The following SPTLC2 variants were observed in gnomAD, a reference collection of about 807,000 sequenced individuals.
The protein encoded by SPTLC2 is serine palmitoyltransferase 2.
In SPTLC2, 21 loss-of-function variants were observed where a neutral mutation model predicts 62.0. The ratio of observed to expected loss-of-function variants is 0.34; its 90% CI spans 0.24 to 0.49. The LOEUF is 0.49. Among genes scored for constraint, SPTLC2 ranks in the 20% least tolerant of loss-of-function variants. The probability of loss-of-function intolerance (pLI) is 0.99; values close to 1 mark genes in which losing one functional copy is unlikely to be tolerated. For synonymous variants in SPTLC2, 261 were observed against 261.8 expected (o/e 1.00, Z 0.03); for missense variants, 511 against 713.0 (o/e 0.72, Z 3.23).
At chr14:77,562,178 G>A (rs1409671999) in intron 6 of SPTLC2, among the ~76,000 whole-genome samples, 3 of 152,142 alleles carry the variant, frequency 2.0e-5, no homozygotes, top group Non-Finnish European at 4.4e-5. Flanking sequence ...GAAATGGGAT[G>A]GAAAACTTCA....
chr14:77,587,790 A>AATAATG (rs1179791623), intron 2 of SPTLC2, among the ~76,000 whole-genome samples: 2 of 150,084 alleles, frequency 1.3e-5, no homozygotes, highest in Non-Finnish European at 3.0e-5. Context: ...TAATAATAAT[A>AATAATG]ACTAATGCTG....
intron 9 of SPTLC2, among the ~76,000 whole-genome samples, chr14:77,549,006 T>C (rs1437708146): frequency 6.6e-6 from 1 of 152,176 alleles, no homozygotes; most frequent in Admixed American, 6.5e-5. Context: ...TAATGATAAA[T>C]GTAATATATT....
chr14:77,577,823 C>G (rs1209173888), intron 3 of SPTLC2, among the ~76,000 whole-genome samples: 1 of 152,062 alleles, frequency 6.6e-6, no homozygotes, highest in Admixed American at 6.6e-5. Context: ...TGGCGTGAAC[C>G]CAGGAGGCAG....
chr14:77,540,441 G>GA (rs2079494941), intron 9 of SPTLC2, among the ~76,000 whole-genome samples: 1 of 152,018 alleles, frequency 6.6e-6, no homozygotes, highest in African/African-American at 2.4e-5. Flanking sequence ...ATTTGATTTT[G>GA]AAATGCATTT....
At chr14:77,555,017 G>T in intron 8 of SPTLC2, 1 of 428,194 alleles carries the variant, frequency 2.3e-6, no homozygotes, top group Non-Finnish European at 4.4e-6. Flanking sequence ...GGCTGGGGCG[G>T]GCAGGGAGCA....
chr14:77,518,130 C>T lies in SPTLC2; in HGVS notation c.1477G>A (p.Val493Ile). 6.2e-7 allele frequency: 1 copy of T among 1,614,144 alleles called. No individual in the cohort carries two copies. Among genetic ancestry groups the T allele is most frequent in the East Asian group, 2.2e-5 (1 of 44,886 alleles). ...GREMLKRNIG[V>I]VVVGFPATPI... ...GTGGCAGGAAATCCAACCACAACGA[C>T]ACCGATGTTCCGCTTCAGCATCTCC... The change falls in exon 11 of 12, where the codon GTC (valine) becomes ATC (isoleucine). Residue 493 changes from valine (V) to isoleucine (I), a missense_variant. Transcript: ENST00000216484.
chr14:77,595,753 G>A (rs988890331), intron 2 of SPTLC2, among the ~76,000 whole-genome samples: 1 of 152,088 alleles, frequency 6.6e-6, no homozygotes, highest in African/African-American at 2.4e-5. Flanking sequence ...ATGTTCACTG[G>A]CTCGTCTCAG....
At chr14:77,530,863 T>C (rs1169287862) in intron 9 of SPTLC2, among the ~76,000 whole-genome samples, 1 of 152,164 alleles carries the variant, frequency 6.6e-6, no homozygotes, top group Non-Finnish European at 1.5e-5. Flanking sequence ...GTTAAGTATT[T>C]AACGTAGGAA....
chr14:77,603,321 C>T (rs1160818218), intron 1 of SPTLC2, among the ~76,000 whole-genome samples: 1 of 152,196 alleles, frequency 6.6e-6, no homozygotes, highest in Non-Finnish European at 1.5e-5. Context: ...AATCAAAGAA[C>T]TGTTATCATG....
At chr14:77,537,570 G>A (rs990749632) in intron 9 of SPTLC2, among the ~76,000 whole-genome samples, 1 of 152,022 alleles carries the variant, frequency 6.6e-6, no homozygotes, top group African/African-American at 2.4e-5. Flanking sequence ...AAATTACAAA[G>A]CAAAATTACC....
chr14:77,580,985 G>A (rs1488882410), intron 2 of SPTLC2, among the ~76,000 whole-genome samples: 6 of 152,362 alleles, frequency 3.9e-5, no homozygotes, highest in African/African-American at 1.2e-4. Context: ...AGTCACAGCG[G>A]AGCAGAAATG....
chr14:77,568,065 G>C (rs948907123), intron 5 of SPTLC2, among the ~76,000 whole-genome samples: 1 of 152,030 alleles, frequency 6.6e-6, no homozygotes, highest in African/African-American at 2.4e-5. Context: ...CAGATTTTGG[G>C]ATTAGGAATG....
At chr14:77,615,837 G>C (rs1229670186) in intron 1 of SPTLC2, among the ~76,000 whole-genome samples, 1 of 152,182 alleles carries the variant, frequency 6.6e-6, no homozygotes, top group Non-Finnish European at 1.5e-5. Context: ...CTGGGGTAGA[G>C]TCTCACCACC....
chr14:77,551,190 G>A (rs1326586599), intron 9 of SPTLC2, among the ~76,000 whole-genome samples: 2 of 152,042 alleles, frequency 1.3e-5, no homozygotes, highest in Admixed American at 6.5e-5. Context: ...TCAGGAGATC[G>A]AGACCATCCT....
At chr14:77,584,928 C>T (rs2299920) in intron 2 of SPTLC2, among the ~76,000 whole-genome samples, 61,496 of 152,158 alleles carry the variant, frequency 0.4, 12,899 homozygotes, top group East Asian at 0.61. Flanking sequence ...GCAGGGGCCA[C>T]GCTTTGCACC....
At chr14:77,556,120 C>T (rs1351114710) in intron 7 of SPTLC2, among the ~76,000 whole-genome samples, 2 of 151,838 alleles carry the variant, frequency 1.3e-5, no homozygotes, top group Admixed American at 1.3e-4. Flanking sequence ...GTCAGGAGTT[C>T]GAGACCAGCC....
At chr14:77,570,266 CTT>C (rs888106416) in intron 5 of SPTLC2, 116 bp downstream of exon 5, 44 of 1,047,946 alleles carry the variant, frequency 4.2e-5, no homozygotes, top group Non-Finnish European at 6.1e-5. Context: ...GTAGAAATAT[CTT>C]TGGCTAAACT....
chr14:77,589,839 G>A (rs11625310), intron 2 of SPTLC2, among the ~76,000 whole-genome samples: 5 of 150,746 alleles, frequency 3.3e-5, no homozygotes, highest in Non-Finnish European at 7.4e-5. Context: ...TTAGCTGGGC[G>A]TGGTGGTGCA....
At chr14:77,537,022 A>C (rs531587619) in intron 9 of SPTLC2, among the ~76,000 whole-genome samples, 19 of 151,718 alleles carry the variant, frequency 1.3e-4, no homozygotes, top group African/African-American at 4.4e-4. Context: ...TCCCAGGTTC[A>C]AGCAATTCTC....
Sources: allele counts gnomAD v4.1 joint callset (sites outside exome capture counted in the v4.1 genomes callset), GRCh38; gene constraint gnomAD v4.1.1; transcripts MANE v1.5; gene names NCBI Gene and HGNC (gene_info 2026-07-23, HGNC 2026-07-21).